The following GALNT2 variants were observed in gnomAD, a reference collection of about 807,000 sequenced individuals.
GALNT2 encodes polypeptide N-acetylgalactosaminyltransferase 2, also known as UDP-GalNAc:polypeptide N-acetylgalactosaminyltransferase 2.
GALNT2 carries 31 observed loss-of-function variants against 81.4 expected under a neutral mutation model. The ratio of observed to expected loss-of-function variants is 0.38; its 90% confidence interval spans 0.29 to 0.51. The LOEUF (loss-of-function observed/expected upper bound fraction) is 0.51. Among genes scored for constraint, GALNT2 ranks in the 20% least tolerant of loss-of-function variants. The pLI, the probability that GALNT2 is intolerant of heterozygous loss-of-function variation, is 0.87. For synonymous variants in GALNT2, 303 were observed against 287.4 expected (o/e 1.05, Z -0.55); for missense variants, 629 against 765.7 (o/e 0.82, Z 2.11).
chr1:230,137,396 T>C (rs768972456), intron 1 of GALNT2, among the ~76,000 whole-genome samples: 1 of 152,186 alleles, frequency 6.6e-6, no homozygotes. Flanking sequence ...GGGTCTGCTG[T>C]GGAGGTGCCC....
rs931826695 is a variant in GALNT2 at position 230,257,298 on chromosome 1, C to T, written c.1136+1954C>T. Among the ~76,000 whole-genome samples, 1 of 152,196 alleles carries T rather than the reference C, an allele frequency of 6.6e-6. No individual in the cohort carries two copies. Among genetic ancestry groups the T allele is most frequent in the East Asian group, 1.9e-4 (1 of 5,200 alleles). ...GGTGAAACAATGGTACGAGTGCCCC[C>T]TCCACTCTTGGAGCCAGAAGCAAGG... On this transcript the variant is annotated intron_variant, in intron 11 of 15. Transcript: ENST00000366672. This position sits in a 1 kb window ranked among gnomAD's most constrained non-coding sequence, Gnocchi z 4.6.
At chr1:230,144,368 G>A (rs1661846092) in intron 1 of GALNT2, among the ~76,000 whole-genome samples, 2 of 152,108 alleles carry the variant, frequency 1.3e-5, no homozygotes, top group Non-Finnish European at 1.5e-5. Flanking sequence ...TACTACACTC[G>A]GCTTCTCTAT....
intron 1 of GALNT2, among the ~76,000 whole-genome samples, chr1:230,118,566 G>A (rs1660918453): frequency 6.6e-6 from 1 of 152,226 alleles, no homozygotes; most frequent in African/African-American, 2.4e-5. Context: ...AGGGTCACCA[G>A]AGTCCCTGTA....
intron 3 of GALNT2, among the ~76,000 whole-genome samples, chr1:230,220,434 G>A (rs946010262): frequency 1.1e-4 from 17 of 152,032 alleles, no homozygotes; most frequent in African/African-American, 3.9e-4. Context: ...GTAGATGAGG[G>A]GAGCAGGGCA....
At chr1:230,110,714 G>GTTTTTTTTTTTTTTTTTTTTTTTTTTTTT (rs113630188) in intron 1 of GALNT2, among the ~76,000 whole-genome samples, 1 of 137,658 alleles carries the variant, frequency 7.3e-6, no homozygotes. Flanking sequence ...GTGCTTTTCT[G>GTTTTTTTTTTTTTTTTTTTTTTTTTTTTT]TTTTTTTTTT....
chr1:230,091,671 TC>T (rs1323209654), intron 1 of GALNT2: 26 of 152,384 alleles, frequency 1.7e-4, no homozygotes, highest in Admixed American at 1.4e-3. Flanking sequence ...CCGGGCCACC[TC>T]CATCAGCAGG....
intron 10 of GALNT2, among the ~76,000 whole-genome samples, chr1:230,253,577 A>G (rs1179725966): frequency 6.6e-6 from 1 of 152,226 alleles, no homozygotes; most frequent in Non-Finnish European, 1.5e-5. Flanking sequence ...ATAATTGTGC[A>G]TATTCATGGG....
At chr1:230,090,595 C>T (rs368271229) in intron 1 of GALNT2, among the ~76,000 whole-genome samples, 1 of 152,174 alleles carries the variant, frequency 6.6e-6, no homozygotes. Flanking sequence ...TTCCTGGACT[C>T]GAATTTTCTG....
chr1:230,196,042 T>G (rs772704857), intron 2 of GALNT2, among the ~76,000 whole-genome samples: 1 of 152,224 alleles, frequency 6.6e-6, no homozygotes, highest in Non-Finnish European at 1.5e-5. Context: ...AGAGGCACAT[T>G]CCTGGAGTGC....
intron 1 of GALNT2, among the ~76,000 whole-genome samples, chr1:230,098,907 A>G (rs942378149): frequency 2.0e-5 from 3 of 152,302 alleles, no homozygotes; most frequent in East Asian, 3.9e-4. Flanking sequence ...TCATTCCTAT[A>G]TGAATCTGGG....
At chr1:230,086,458 C>T (rs1287258636) in intron 1 of GALNT2, among the ~76,000 whole-genome samples, 1 of 152,126 alleles carries the variant, frequency 6.6e-6, no homozygotes, top group Non-Finnish European at 1.5e-5. Context: ...TAAGAGATGG[C>T]CCTTGTGCGA....
upstream of GALNT2, chr1:230,057,963 C>G (rs893476422): frequency 2.2e-6 from 1 of 451,198 alleles, no homozygotes; most frequent in African/African-American, 2.0e-5. Flanking sequence ...TTCCCCAGGA[C>G]GAAGGGAGGA....
At chr1:230,189,223 G>C (rs564641528) in intron 2 of GALNT2, among the ~76,000 whole-genome samples, 5 of 152,260 alleles carry the variant, frequency 3.3e-5, no homozygotes, top group African/African-American at 1.2e-4. Context: ...TAGGAGAGAC[G>C]AGGGTAGGGA....
intron 1 of GALNT2, among the ~76,000 whole-genome samples, chr1:230,144,059 C>T (rs565123153): frequency 2.6e-5 from 4 of 152,318 alleles, no homozygotes; most frequent in South Asian, 2.1e-4. Context: ...GCAGCACCTG[C>T]GAGTGCTTGA....
intron 7 of GALNT2, among the ~76,000 whole-genome samples, chr1:230,245,522 G>C (rs1665340748): frequency 6.6e-6 from 1 of 151,566 alleles, no homozygotes; most frequent in Non-Finnish European, 1.5e-5. Context: ...GGCAAACGTA[G>C]AATCTGGAAA....
chr1:230,127,760 C>T (rs1048185142), intron 1 of GALNT2, among the ~76,000 whole-genome samples: 3 of 152,032 alleles, frequency 2.0e-5, no homozygotes, highest in Non-Finnish European at 4.4e-5. Flanking sequence ...GTGATACGCT[C>T]CCGTGCTCAG....
intron 1 of GALNT2, among the ~76,000 whole-genome samples, chr1:230,102,561 C>G (rs759639607): frequency 2.6e-5 from 4 of 151,952 alleles, no homozygotes; most frequent in Admixed American, 2.0e-4. Context: ...GGTTCCGTTT[C>G]GAGAGTCCTT....
chr1:230,146,016 G>C (rs930982617), intron 1 of GALNT2, among the ~76,000 whole-genome samples: 1 of 152,186 alleles, frequency 6.6e-6, no homozygotes, highest in African/African-American at 2.4e-5. Context: ...GGTGTTCCTT[G>C]AGGTTCTGCT....
At chr1:230,095,649 T>A (rs1316345838) in intron 1 of GALNT2, among the ~76,000 whole-genome samples, 3 of 152,316 alleles carry the variant, frequency 2.0e-5, no homozygotes, top group East Asian at 1.9e-4. Context: ...CAAGGGCATG[T>A]ACTTCTCACC....
Sources: gnomAD v4.1 joint callset for allele counts (sites outside exome capture counted in the v4.1 genomes callset) on GRCh38, gnomAD v4.1.1 for gene constraint, Gnocchi (gnomAD v3.1) non-coding constraint, MANE v1.5 for transcripts, NCBI Gene and HGNC (gene_info 2026-07-23, HGNC 2026-07-21) for gene names.